Variants in ARHGAP15 observed in about 807,000 individuals in gnomAD.
The protein encoded by ARHGAP15 is Rho GTPase activating protein 15.
ARHGAP15 carries 51 observed loss-of-function variants against 63.7 expected under a neutral mutation model. That is an observed-to-expected ratio of 0.80 (90% CI 0.64 to 1.01). The LOEUF is 1.01. Ranked by LOEUF, ARHGAP15 falls within the 50% of genes least tolerant of loss-of-function variation. The pLI is 0.00. For missense variants in ARHGAP15, 560 were observed against 564.6 expected (o/e 0.99, Z 0.08); for synonymous variants, 191 against 193.8 (o/e 0.99, Z 0.12).
intron 6 of ARHGAP15, among the ~76,000 whole-genome samples, chr2:143,308,215 T>C (rs1241779583): frequency 6.6e-6 from 1 of 152,070 alleles, no homozygotes; most frequent in Non-Finnish European, 1.5e-5. Context: ...ATACCATAAA[T>C]AGACTTAAAT....
intron 11 of ARHGAP15, among the ~76,000 whole-genome samples, chr2:143,604,100 T>C (rs766940438): frequency 6.6e-6 from 1 of 152,212 alleles, no homozygotes; most frequent in Non-Finnish European, 1.5e-5. Flanking sequence ...GCATTGCTTA[T>C]AAGATTTAAC....
chr2:143,299,645 C>G (rs1682808783), intron 6 of ARHGAP15, among the ~76,000 whole-genome samples: 1 of 151,946 alleles, frequency 6.6e-6, no homozygotes, highest in African/African-American at 2.4e-5. Flanking sequence ...CTCTCCTTTT[C>G]CTGTTTGGCT....
intron 8 of ARHGAP15, among the ~76,000 whole-genome samples, chr2:143,461,298 A>AC (rs1466021578): frequency 6.6e-6 from 1 of 150,754 alleles, no homozygotes; most frequent in African/African-American, 2.4e-5. Flanking sequence ...AAAAAAAAAA[A>AC]AAAAAAAACA....
At chr2:143,566,608 G>A (rs538190398) in intron 11 of ARHGAP15, among the ~76,000 whole-genome samples, 44 of 152,106 alleles carry the variant, frequency 2.9e-4, no homozygotes, top group South Asian at 1.2e-3. Context: ...GCTCTCTTCC[G>A]TCCTCATTAT....
intron 8 of ARHGAP15, among the ~76,000 whole-genome samples, chr2:143,460,327 C>T (rs1690875005): frequency 6.6e-6 from 1 of 152,120 alleles, no homozygotes; most frequent in African/African-American, 2.4e-5. Flanking sequence ...GAATTTTTTT[C>T]CCCACACTTC....
chr2:143,497,813 G>C (rs1692883715), intron 9 of ARHGAP15, among the ~76,000 whole-genome samples: 1 of 152,034 alleles, frequency 6.6e-6, no homozygotes, highest in African/African-American at 2.4e-5. Flanking sequence ...AGTGAGACAA[G>C]TTGAATTTTC....
intron 5 of ARHGAP15, among the ~76,000 whole-genome samples, chr2:143,233,061 T>C (rs796071139): frequency 1.2e-4 from 19 of 152,202 alleles, no homozygotes; most frequent in African/African-American, 4.6e-4. Flanking sequence ...TTTAATCAAT[T>C]TATCCCTTTC....
intron 10 of ARHGAP15, among the ~76,000 whole-genome samples, chr2:143,549,518 A>G (rs1469142521): frequency 6.6e-6 from 1 of 152,152 alleles, no homozygotes; most frequent in East Asian, 1.9e-4. Context: ...GTCAACAAAC[A>G]AAAAGAACAG....
intron 12 of ARHGAP15, among the ~76,000 whole-genome samples, chr2:143,681,666 G>A (rs562015357): frequency 1.3e-5 from 2 of 152,170 alleles, no homozygotes; most frequent in African/African-American, 2.4e-5. Context: ...TTATCCAACC[G>A]TATGTTCCTA....
chr2:143,567,413 A>G (rs1201234607), intron 11 of ARHGAP15, among the ~76,000 whole-genome samples: 1 of 152,240 alleles, frequency 6.6e-6, no homozygotes, highest in African/African-American at 2.4e-5. Context: ...ACCCAGACCC[A>G]GGAAAACATA....
chr2:143,175,438 T>C (rs1257896993), intron 2 of ARHGAP15, among the ~76,000 whole-genome samples: 10 of 152,308 alleles, frequency 6.6e-5, no homozygotes, highest in East Asian at 3.9e-4. Flanking sequence ...AAAGCTATCA[T>C]GGAAAATGAC....
intron 6 of ARHGAP15, among the ~76,000 whole-genome samples, chr2:143,253,293 AAC>A (rs2104987102): frequency 6.6e-6 from 1 of 152,162 alleles, no homozygotes; most frequent in African/African-American, 2.4e-5. Context: ...TAGGAAAACA[AAC>A]AAAAAATTGT....
At chr2:143,739,951 C>T (rs1338692722) in intron 13 of ARHGAP15, among the ~76,000 whole-genome samples, 1 of 152,182 alleles carries the variant, frequency 6.6e-6, no homozygotes, top group Non-Finnish European at 1.5e-5. Context: ...CCCACCGTGT[C>T]ATTCTGCCCC....
At chr2:143,239,148 C>A (rs6750819) in intron 5 of ARHGAP15, among the ~76,000 whole-genome samples, 25,411 of 151,886 alleles carry the variant, frequency 0.17, 2,298 homozygotes, top group Middle Eastern at 0.24. Context: ...AACTATGTAA[C>A]AAACCTGCAC....
At chr2:143,588,519 G>A (rs527262950) in intron 11 of ARHGAP15, among the ~76,000 whole-genome samples, 24 of 152,128 alleles carry the variant, frequency 1.6e-4, no homozygotes, top group African/African-American at 2.9e-4. Flanking sequence ...GGTGGGTGTC[G>A]TTCCCTTCCC....
At chr2:143,636,512 C>T (rs1192293656) in intron 12 of ARHGAP15, among the ~76,000 whole-genome samples, 1 of 152,144 alleles carries the variant, frequency 6.6e-6, no homozygotes, top group Non-Finnish European at 1.5e-5. Flanking sequence ...CTCAGAGCTT[C>T]TGCGAGCTGG....
At chr2:143,359,387 AT>A (rs1685945123) in intron 6 of ARHGAP15, among the ~76,000 whole-genome samples, 1 of 152,210 alleles carries the variant, frequency 6.6e-6, no homozygotes. Context: ...GTCTAGGACT[AT>A]CATCAACACC....
chr2:143,566,858 C>T (rs1696246492), intron 11 of ARHGAP15, among the ~76,000 whole-genome samples: 1 of 151,692 alleles, frequency 6.6e-6, no homozygotes, highest in African/African-American at 2.4e-5. Flanking sequence ...TTCCTTTCTT[C>T]AGAGCACATG....
intron 6 of ARHGAP15, among the ~76,000 whole-genome samples, chr2:143,427,722 T>C (rs1188095909): frequency 2.0e-5 from 3 of 152,046 alleles, no homozygotes; most frequent in South Asian, 2.1e-4. Flanking sequence ...GCTGGGAAAA[T>C]ATAGCCTTCA....
Sources: allele counts gnomAD v4.1 joint callset (sites outside exome capture counted in the v4.1 genomes callset), GRCh38; gene constraint gnomAD v4.1.1; transcripts MANE v1.5; gene names NCBI Gene and HGNC (gene_info 2026-07-23, HGNC 2026-07-21).